MROH1: variants seen among roughly 807,000 people sequenced by gnomAD.
The protein encoded by MROH1 is maestro heat-like repeat-containing protein family member 1.
MROH1 carries 117 observed loss-of-function variants against 116.5 expected under a neutral mutation model. The ratio of observed to expected loss-of-function variants is 1.00; its 90% CI spans 0.86 to 1.17. The LOEUF is 1.17. Ranked by LOEUF, MROH1 falls within the 50% of genes most tolerant of loss-of-function variation. MROH1 has a pLI of 0.00. For synonymous variants in MROH1, 921 were observed against 583.9 expected, an observed-to-expected ratio of 1.58 and a Z score of -8.32; for missense variants, 1,873 against 1,338.5, an observed-to-expected ratio of 1.40 and a Z score of -6.23.
intron 4 of MROH1, among the ~76,000 whole-genome samples, chr8:144,170,258 C>T (rs1564385531): frequency 6.6e-6 from 1 of 152,256 alleles, no homozygotes; most frequent in Non-Finnish European, 1.5e-5. Flanking sequence ...GCCCCAGCCA[C>T]TCCATGCTTG....
At chr8:144,207,946 C>A (rs1833207631) in intron 12 of MROH1, among the ~76,000 whole-genome samples, 1 of 135,140 alleles carries the variant, frequency 7.4e-6, no homozygotes, top group African/African-American at 2.7e-5. Context: ...TTTTTAATTA[C>A]TTTTTTTTTT....
At chr8:144,226,893 C>A (rs947121364) in intron 14 of MROH1, among the ~76,000 whole-genome samples, 6 of 152,214 alleles carry the variant, frequency 3.9e-5, no homozygotes, top group African/African-American at 1.4e-4. Context: ...GTCTTCCAAT[C>A]CATGAAAGCA....
chr8:144,234,498 G>GTTTTTT (rs1165164431), intron 14 of MROH1, among the ~76,000 whole-genome samples: 1 of 18,100 alleles, frequency 5.5e-5, no homozygotes, highest in Non-Finnish European at 1.2e-4. Flanking sequence ...TTTCTTTTTC[G>GTTTTTT]TTTTTTTTTT....
chr8:144,216,015 A>G (rs1348869319), intron 12 of MROH1, among the ~76,000 whole-genome samples: 1 of 151,230 alleles, frequency 6.6e-6, no homozygotes, highest in African/African-American at 2.4e-5. Flanking sequence ...TGAAACCCCC[A>G]TCTCTACTAA....
rs1588581344 is a variant in MROH1 at position 144,261,731 on chromosome 8, G to A, written c.4917G>A (p.Lys1639=). The stretch of plus-strand genomic sequence containing the variant: ...CTGAGGCCCTGGGCCGCCTGGTGAA[G>A]CTCGCCTAAGGCTCCGGCCAGCACC... The part of the protein sequence containing the change: ...RAAEALGRLV[K]LA Residue 1639 remains lysine, a synonymous_variant, in exon 44 of 44, where the codon AAG becomes AAA. Transcript: ENST00000326134. 1 of 714,910 alleles carries A rather than the reference G, an allele frequency of 1.4e-6. No individual in the cohort carries two copies. The highest frequency in any genetic ancestry group is 1.5e-5 in the South Asian group (1 of 68,058). The allele number at this position is 714,910 out of a possible 1,614,324, so 44.3% of individuals were successfully genotyped here.
intron 12 of MROH1, among the ~76,000 whole-genome samples, chr8:144,217,134 A>G (rs1339399125): frequency 6.6e-6 from 1 of 152,188 alleles, no homozygotes; most frequent in African/African-American, 2.4e-5. Context: ...TGGGCAACAT[A>G]GTGGGATCTC....
chr8:144,250,137 C>T (rs1217848838), intron 32 of MROH1, 75 bp from the exon 33 acceptor site: 1 of 720,054 alleles, frequency 1.4e-6, no homozygotes, highest in African/African-American at 1.7e-5. Flanking sequence ...TGGCCCCACC[C>T]CCTTGGGCTG....
intron 8 of MROH1, among the ~76,000 whole-genome samples, 182 bp from the exon 9 acceptor site, chr8:144,191,533 A>AT (rs1828596922): frequency 2.6e-5 from 4 of 152,160 alleles, no homozygotes; most frequent in Non-Finnish European, 5.9e-5. Flanking sequence ...CCTGGCCAGC[A>AT]TCTGGCTTGC....
chr8:144,192,422 G>A, intron 10 of MROH1, 21 bp downstream of exon 10: 3 of 1,556,992 alleles, frequency 1.9e-6, no homozygotes, highest in Non-Finnish European at 2.6e-6. Flanking sequence ...GGCGTCAGGG[G>A]GCGGGTCCAG....
Position 144,244,340 on chromosome 8 carries a change from TCC to T in MROH1, c.2670+6_2670+7del. The T allele has an allele frequency of 1.4e-6, 1 of 720,382 alleles. No individual in the cohort carries two copies. The allele number at this position is 720,382 out of a possible 1,614,324, so 44.6% of individuals were successfully genotyped here. A position where few individuals can be genotyped will look rare whatever the true frequency, so the allele number is the denominator to read the frequency against. ...GGAGGACGGAGGCTGCCAGAAGGTATCCCTGTGTTTCCCTTGCCTGTGTCCAC... is the reference window on the plus strand; with the variant it reads ...GGAGGACGGAGGCTGCCAGAAGGTATCTGTGTTTCCCTTGCCTGTGTCCAC... On this transcript the variant is annotated splice_donor_5th_base_variant and intron_variant, in intron 27 of 43. Coordinates refer to ENST00000326134, the MANE Select transcript of MROH1 (RefSeq NM_032450.3).
At chr8:144,166,937 G>A (rs957468248) in intron 3 of MROH1, among the ~76,000 whole-genome samples, 1 of 152,180 alleles carries the variant, frequency 6.6e-6, no homozygotes. Context: ...TCATTGATTT[G>A]GATCAGCCTG....
intron 32 of MROH1, among the ~76,000 whole-genome samples, 195 bp from the exon 33 acceptor site, chr8:144,250,017 G>T (rs1231243943): frequency 6.6e-6 from 1 of 152,198 alleles, no homozygotes; most frequent in African/African-American, 2.4e-5. Context: ...AATCCAGGTC[G>T]TGGCTCCAGT....
At chr8:144,255,065 C>G in intron 34 of MROH1, 87 bp downstream of exon 34, 1 of 656,198 alleles carries the variant, frequency 1.5e-6, no homozygotes, top group Non-Finnish European at 2.8e-6. Context: ...GATGAGGTGG[C>G]CCGGACGCCA....
At chr8:144,188,449 A>ATTTTTTTTTTTTTTTTT (rs573524223) in intron 7 of MROH1, among the ~76,000 whole-genome samples, 1 of 45,812 alleles carries the variant, frequency 2.2e-5, no homozygotes, top group African/African-American at 8.7e-5. Context: ...CCACTGCCCA[A>ATTTTTTTTTTTTTTTTT]TTTTTTTTTT....
intron 14 of MROH1, among the ~76,000 whole-genome samples, chr8:144,231,125 G>T (rs1434023290): frequency 6.8e-6 from 1 of 147,312 alleles, no homozygotes; most frequent in Non-Finnish European, 1.5e-5. Context: ...AGGGTTGGGG[G>T]TAAGGTCACA....
At chr8:144,259,843 G>T in intron 37 of MROH1, 68 bp from the exon 38 acceptor site, 1 of 712,880 alleles carries the variant, frequency 1.4e-6, no homozygotes. Flanking sequence ...TGGTGTTCTG[G>T]GCCTGGGCTG....
At chr8:144,208,978 C>G (rs2132055971) in intron 12 of MROH1, among the ~76,000 whole-genome samples, 1 of 151,850 alleles carries the variant, frequency 6.6e-6, no homozygotes, top group South Asian at 2.1e-4. Context: ...CCTGCCTCAG[C>G]CTCCCAAAGT....
Position 144,244,506 on chromosome 8 carries a change from C to T in MROH1, c.2733C>T (p.Asn911=). The T allele has an allele frequency of 1.3e-6, 1 of 773,406 alleles. No homozygotes were observed. Among genetic ancestry groups the T allele is most frequent in the Non-Finnish European group, 2.4e-6 (1 of 414,588 alleles). The allele number at this position is 773,406 out of a possible 1,614,324, so 47.9% of individuals were successfully genotyped here. The part of the protein sequence containing the change: ...EDLLTSLLQR[N]MTPQGLQIMI... ...TGCTGACGAGCCTCCTGCAGCGGAACATGACCCCCCAAGGCCTGCAGATCA... is the reference window on the plus strand; with the variant it reads ...TGCTGACGAGCCTCCTGCAGCGGAATATGACCCCCCAAGGCCTGCAGATCA... Residue 911 remains asparagine (N), a synonymous_variant, in exon 28 of 44, where the codon AAC becomes AAT. Transcript: ENST00000326134.
chr8:144,163,179 G>C lies in MROH1; in HGVS notation c.-56-592G>C, dbSNP rs1819975435. Among the ~76,000 whole-genome samples the C allele has an allele frequency of 6.6e-6, 1 of 152,174 alleles. No individual in the cohort carries two copies. The highest frequency in any genetic ancestry group is 1.5e-5 in the Non-Finnish European group (1 of 68,048). On this transcript the variant is annotated intron_variant, in intron 2 of 43. Transcript: ENST00000326134. The surrounding 1 kb of genome is among the most constrained non-coding windows in gnomAD (Gnocchi z 4.4). Reference sequence around the variant, plus strand: ...GATGGGAGGTGATCAAGGGAATTAAGGGGCTGGTGGGAGACTCAGAGAACA... The same window carrying C: ...GATGGGAGGTGATCAAGGGAATTAACGGGCTGGTGGGAGACTCAGAGAACA...
Sources: gnomAD v4.1 joint callset for allele counts (sites outside exome capture counted in the v4.1 genomes callset) on GRCh38, gnomAD v4.1.1 for gene constraint, Gnocchi (gnomAD v3.1) non-coding constraint, MANE v1.5 for transcripts, NCBI Gene and HGNC (gene_info 2026-07-23, HGNC 2026-07-21) for gene names.